WDR64: variants seen among roughly 807,000 people sequenced by gnomAD.
WDR64 encodes WD repeat domain 64.
WDR64 carries 112 observed loss-of-function variants against 139.3 expected under a neutral mutation model. That is an observed-to-expected ratio of 0.80 (90% confidence interval 0.69 to 0.94). The LOEUF (loss-of-function observed/expected upper bound fraction) is 0.94. Ranked by LOEUF, WDR64 falls within the 40% of genes least tolerant of loss-of-function variation. The pLI, the probability that WDR64 is intolerant of heterozygous loss-of-function variation, is 0.00. For missense variants in WDR64, 1,206 were observed against 1,293.1 expected (o/e 0.93, Z 1.03); for synonymous variants, 444 against 437.7 (o/e 1.01, Z -0.18).
chr1:241,714,352 A>G (rs145193802), intron 9 of WDR64, among the ~76,000 whole-genome samples: 95 of 152,344 alleles, frequency 6.2e-4, no homozygotes, highest in African/African-American at 1.8e-3. Flanking sequence ...CATCATTGGC[A>G]AAAGAGTTTA....
At chr1:241,758,158 T>C (rs1003169012) in intron 15 of WDR64, among the ~76,000 whole-genome samples, 4 of 152,156 alleles carry the variant, frequency 2.6e-5, no homozygotes, top group Admixed American at 1.3e-4. Flanking sequence ...TGCACCCTCA[T>C]GGTGTTATTT....
chr1:241,777,934 G>T (rs1658719524), intron 21 of WDR64, among the ~76,000 whole-genome samples: 1 of 152,116 alleles, frequency 6.6e-6, no homozygotes, highest in Non-Finnish European at 1.5e-5. Context: ...CCCAGAACAT[G>T]ATCTATCTTG....
At chr1:241,734,490 T>C (rs1216126448) in intron 10 of WDR64, among the ~76,000 whole-genome samples, 2 of 152,200 alleles carry the variant, frequency 1.3e-5, no homozygotes, top group Non-Finnish European at 2.9e-5. Flanking sequence ...GTAAATAGAT[T>C]AGTTTTCTGA....
At position 241,656,877 on chromosome 1, in the gene WDR64, T is replaced by TGC. The variant is rs1665618010; in HGVS notation, c.146-3652_146-3651insCG. ...TCAAGTCTTTGCCAAATGTTGTGTG[T>TGC]GTGTGTGTGTGTGTGTGTGTGTGTG... On this transcript the variant is annotated intron_variant, in intron 1 of 27. Coordinates refer to ENST00000437684, the MANE Select transcript of WDR64 (RefSeq NM_001367482.1). The surrounding 1 kb of genome is among the most constrained non-coding windows in gnomAD (Gnocchi z 4.3). Among the ~76,000 whole-genome samples, 1 of 72,242 alleles carries TGC rather than the reference T, an allele frequency of 1.4e-5. No individual in the cohort carries two copies. Among genetic ancestry groups the TGC allele is most frequent in the South Asian group, 5.9e-4 (1 of 1,684 alleles). 47.4% of individuals were successfully genotyped at this position (72,242 alleles called of 152,430 possible).
chr1:241,678,429 C>A (rs1666643316), intron 5 of WDR64, among the ~76,000 whole-genome samples: 1 of 152,130 alleles, frequency 6.6e-6, no homozygotes, highest in African/African-American at 2.4e-5. Flanking sequence ...AAACTGACTG[C>A]AGAGAATTGC....
Position 241,694,618 on chromosome 1 carries a change from T to A in WDR64, c.974+7023T>A, listed in dbSNP as rs534001764. ...ATGCTGGCAATTCGTGATACATTCA[T>A]AACCATAAAGGAACACTGTGAAAAC... is the stretch of plus-strand genomic sequence containing the variant. On this transcript the variant is annotated intron_variant, in intron 8 of 27. Coordinates refer to ENST00000437684, the MANE Select transcript of WDR64 (RefSeq NM_001367482.1). Among the ~76,000 whole-genome samples the A allele has an allele frequency of 2.0e-5, 3 of 152,308 alleles. No individual in the cohort carries two copies. The East Asian group carries it at 5.8e-4, about 29-fold the overall frequency.
intron 1 of WDR64, among the ~76,000 whole-genome samples, chr1:241,653,543 C>CTTTTTT (rs33934176): frequency 5.3e-4 from 72 of 136,952 alleles, no homozygotes; most frequent in Non-Finnish European, 7.7e-4. Flanking sequence ...CTTTTCTTTT[C>CTTTTTT]TTTTTTTTTT....
chr1:241,722,113 T>G (rs1000265230), intron 9 of WDR64, among the ~76,000 whole-genome samples: 2 of 152,058 alleles, frequency 1.3e-5, no homozygotes, highest in African/African-American at 2.4e-5. Flanking sequence ...AGATCATGGC[T>G]AAAGGATATA....
At chr1:241,772,560 T>G (rs1390875816) in intron 19 of WDR64, among the ~76,000 whole-genome samples, 1 of 142,948 alleles carries the variant, frequency 7.0e-6, no homozygotes, top group Admixed American at 7.6e-5. Context: ...CCTCCTGGGT[T>G]CAAGCAATTC....
At chr1:241,696,791 C>T (rs967928897) in intron 8 of WDR64, among the ~76,000 whole-genome samples, 2 of 152,098 alleles carry the variant, frequency 1.3e-5, no homozygotes, top group African/African-American at 2.4e-5. Context: ...TTTACTGCAA[C>T]CTGTTTTATG....
At chr1:241,682,233 A>T (rs1666828863) in intron 6 of WDR64, among the ~76,000 whole-genome samples, 1 of 152,148 alleles carries the variant, frequency 6.6e-6, no homozygotes, top group African/African-American at 2.4e-5. Flanking sequence ...TTCCAATGTT[A>T]TCTTCTAGAA....
chr1:241,709,700 G>A (rs141487721), intron 8 of WDR64, among the ~76,000 whole-genome samples: 1,981 of 152,228 alleles, frequency 0.013, 37 homozygotes, highest in African/African-American at 0.044. Flanking sequence ...AGAGGGTAAA[G>A]AGAAATAAAA....
At chr1:241,760,028 T>C (rs953343119) in intron 15 of WDR64, among the ~76,000 whole-genome samples, 2 of 152,234 alleles carry the variant, frequency 1.3e-5, no homozygotes, top group Admixed American at 6.5e-5. Context: ...GATTCATCTA[T>C]GTGTAGCGTA....
intron 8 of WDR64, among the ~76,000 whole-genome samples, chr1:241,702,418 T>C (rs1406943618): frequency 6.6e-6 from 1 of 152,164 alleles, no homozygotes; most frequent in Non-Finnish European, 1.5e-5. Context: ...ATTACTTAAG[T>C]TAACTCACGT....
intron 8 of WDR64, among the ~76,000 whole-genome samples, chr1:241,708,686 T>A (rs1410227642): frequency 3.7e-5 from 5 of 135,770 alleles, no homozygotes; most frequent in African/African-American, 1.4e-4. Flanking sequence ...AGGGCTGAGG[T>A]CCATGGTTTT....
chr1:241,652,340 C>T lies in WDR64; in HGVS notation c.-145C>T. 1 of 780,692 alleles carries T rather than the reference C, an allele frequency of 1.3e-6. No individual in the cohort carries two copies. The allele number at this position is 780,692 out of a possible 1,614,324, so 48.4% of individuals were successfully genotyped here. ...TAGTGGCAACTCTTACTCCTACCCG[C>T]ACTATGGGATTTTAAGATCAAAGGA... On this transcript the variant is annotated 5_prime_UTR_variant, in exon 1 of 28. Coordinates refer to ENST00000437684, the MANE Select transcript of WDR64 (RefSeq NM_001367482.1).
intron 11 of WDR64, among the ~76,000 whole-genome samples, chr1:241,738,924 A>T (rs530238265): frequency 3.9e-5 from 6 of 152,346 alleles, no homozygotes; most frequent in African/African-American, 1.4e-4. Context: ...CAGCTCCCAC[A>T]CACAGCTCTG....
intron 10 of WDR64, among the ~76,000 whole-genome samples, chr1:241,732,342 T>C (rs559169267): frequency 3.3e-5 from 5 of 152,302 alleles, no homozygotes; most frequent in Non-Finnish European, 7.4e-5. Context: ...CTATCTACTC[T>C]CCTGGCAAGA....
chr1:241,708,423 C>A (rs947760532), intron 8 of WDR64, among the ~76,000 whole-genome samples: 1 of 152,196 alleles, frequency 6.6e-6, no homozygotes, highest in African/African-American at 2.4e-5. Flanking sequence ...TCCAGCAGCT[C>A]CTGTCTCAGC....
Sources: allele counts gnomAD v4.1 joint callset (sites outside exome capture counted in the v4.1 genomes callset), GRCh38; gene constraint gnomAD v4.1.1; non-coding constraint Gnocchi (gnomAD v3.1); transcripts MANE v1.5; gene names NCBI Gene and HGNC (gene_info 2026-07-23, HGNC 2026-07-21).